The following NPHP4 variants were observed in gnomAD, a reference collection of about 807,000 sequenced individuals.
NPHP4 encodes the protein nephrocystin 4, also known as nephrocystin-4.
A neutral mutation model predicts 155.8 loss-of-function variants in NPHP4; 151 were observed. The observed-to-expected ratio is 0.97, with a 90% CI of 0.85 to 1.11. The LOEUF (loss-of-function observed/expected upper bound fraction) is 1.11, where lower values mean the gene tolerates loss of function less well. NPHP4 is among the 50% of genes least tolerant of loss of function. The pLI, the probability that NPHP4 is intolerant of heterozygous loss-of-function variation, is 0.00. For missense variants in NPHP4, 1,956 were observed against 1,925.7 expected (o/e 1.02, Z -0.29); for synonymous variants, 845 against 816.8 (o/e 1.03, Z -0.59).
At chr1:5,968,422 G>A (rs534058867) in intron 4 of NPHP4, among the ~76,000 whole-genome samples, 87 of 152,076 alleles carry the variant, frequency 5.7e-4, no homozygotes, top group African/African-American at 2.0e-3. Flanking sequence ...GGCAACATAG[G>A]GAGATCCCGT....
rs1646245451 is a variant in NPHP4, at chr1:5,931,068, GT to G, written c.1302+2078del. Among the ~76,000 whole-genome samples, 4 of 152,106 alleles carry G rather than the reference GT, an allele frequency of 2.6e-5. No individual in the cohort carries two copies. The South Asian group carries it at 8.3e-4, about 32-fold the overall frequency. On this transcript the variant is annotated intron_variant, in intron 10 of 29. Coordinates refer to ENST00000378156, the MANE Select transcript of NPHP4 (RefSeq NM_015102.5). ...ATTCTGAAGTCTAGTTTGTCTGATA[GT>G]GTCAATAGTAATATACCCACTCCAG...
rs370582651 is a variant in NPHP4, at chr1:5,948,071, T to A, written c.991A>T (p.Ser331Cys). ...SRKVVSSSKT[S>C]SGSQALVLRS... ...CCCTGGGGACCCAAGAGACAATACC[T>A]GGTCTTGGAAGAGGAGACCACTTTC... Residue 331 changes from serine to cysteine, a missense_variant and splice_region_variant, in exon 8 of 30, where the codon AGC becomes TGC. Physicochemically the swap from Ser to Cys is moderately radical, Grantham distance 112. Transcript: ENST00000378156. 1 of 1,612,144 alleles carries A rather than the reference T, an allele frequency of 6.2e-7. No homozygotes were observed. The highest frequency in any genetic ancestry group is 2.2e-5 in the East Asian group (1 of 44,860).
At chr1:5,874,304 A>C (rs1324588026) in intron 22 of NPHP4, among the ~76,000 whole-genome samples, 167 bp downstream of exon 22, 1 of 145,342 alleles carries the variant, frequency 6.9e-6, no homozygotes, top group African/African-American at 2.5e-5. Context: ...TGCCACTTGC[A>C]GTGTACATGC....
At chr1:5,888,767 A>G (rs1401365638) in intron 17 of NPHP4, among the ~76,000 whole-genome samples, 1 of 152,222 alleles carries the variant, frequency 6.6e-6, no homozygotes, top group Non-Finnish European at 1.5e-5. Context: ...AGCCAAGGAC[A>G]TGGGACACAG....
intron 16 of NPHP4, among the ~76,000 whole-genome samples, chr1:5,898,179 T>C (rs1157094292): frequency 6.6e-6 from 1 of 152,064 alleles, no homozygotes; most frequent in East Asian, 1.9e-4. Flanking sequence ...GCTCTCACAC[T>C]GAGGAGGGCC....
intron 11 of NPHP4, among the ~76,000 whole-genome samples, chr1:5,920,052 C>A (rs1009700937): frequency 6.6e-6 from 1 of 152,220 alleles, no homozygotes; most frequent in African/African-American, 2.4e-5. Flanking sequence ...TTGCCCCAGC[C>A]TCCCGAGTAG....
At chr1:5,941,289 CAAAAAAAAAAAAAAA>C (rs66676950) in intron 9 of NPHP4, among the ~76,000 whole-genome samples, 1 of 44,778 alleles carries the variant, frequency 2.2e-5, no homozygotes, top group Non-Finnish European at 3.7e-5. Flanking sequence ...GAGATCTAGA[CAAAAAAAAAAAAAAA>C]AAAAAAAAAA....
In NPHP4 at chr1:5,947,239, G is replaced by T; in HGVS notation, c.993-9C>A. 6.2e-7 allele frequency: 1 copy of T among 1,613,406 alleles called. No individual in the cohort carries two copies. The highest frequency in any genetic ancestry group is 1.1e-5 in the South Asian group (1 of 91,030). The stretch of plus-strand genomic sequence containing the variant: ...GAGCTTGGCTCCCGGAGCTGGGTCA[G>T]AAACACAAACCAGGGACACATTAGA... On this transcript the variant is annotated splice_polypyrimidine_tract_variant and intron_variant, in intron 8 of 29. Coordinates refer to ENST00000378156, the MANE Select transcript of NPHP4 (RefSeq NM_015102.5).
At chr1:5,864,594 C>T in intron 27 of NPHP4, 77 bp from the exon 28 acceptor site, 1 of 1,359,778 alleles carries the variant, frequency 7.4e-7, no homozygotes, top group Middle Eastern at 2.4e-4. Context: ...CGCCTGCAGC[C>T]CAATCAGCCA....
intron 11 of NPHP4, 76 bp from the exon 12 acceptor site, chr1:5,909,289 C>T (rs993044606): frequency 4.3e-5 from 51 of 1,183,228 alleles, no homozygotes; most frequent in Middle Eastern, 2.0e-4. Context: ...TGAACCCCCA[C>T]GCAGTCAGGT....
At chr1:5,970,329 A>G (rs905148937) in intron 3 of NPHP4, among the ~76,000 whole-genome samples, 14 of 152,168 alleles carry the variant, frequency 9.2e-5, no homozygotes, top group African/African-American at 3.4e-4. Context: ...ATAGCCAAAC[A>G]CCATCCCTAT....
rs375208994 is a variant in NPHP4 at position 5,893,407 on chromosome 1, C to T, written c.2144-2379G>A. On this transcript the variant is annotated intron_variant, in intron 16 of 29. Transcript: ENST00000378156. Reference sequence around the variant, plus strand: ...ATCTCCAATGATAGGTAAGGTCACGCGGGTCACGTGTCCACTGGACAGGGG... The same window carrying T: ...ATCTCCAATGATAGGTAAGGTCACGTGGGTCACGTGTCCACTGGACAGGGG... Among the ~76,000 whole-genome samples the T allele has an allele frequency of 7.2e-3, 1,102 of 152,258 alleles. 8 individuals are homozygous for T. The highest frequency in any genetic ancestry group is 0.023 in the African/African-American group (959 of 41,526).
intron 12 of NPHP4, 74 bp downstream of exon 12, chr1:5,909,078 G>T (rs977083059): frequency 1.6e-6 from 2 of 1,252,096 alleles, no homozygotes; most frequent in Non-Finnish European, 2.3e-6. Flanking sequence ...CTGTGCTTAA[G>T]GGGGGACAGA....
At position 5,978,176 on chromosome 1, in the gene NPHP4, C is replaced by T. The variant is rs550045403; in HGVS notation, c.279+94G>A. On this transcript the variant is annotated intron_variant, in intron 3 of 29. Coordinates refer to ENST00000378156, the MANE Select transcript of NPHP4 (RefSeq NM_015102.5). ...AAGTCTGAGACGCGCTGTGAGGTCT[C>T]GGCAAGGCCCCAGTCTCTGGGCTGC... 904 of 1,224,970 alleles carry T rather than the reference C, an allele frequency of 7.4e-4. 1 individual carries two copies. The highest frequency in any genetic ancestry group is 9.4e-4 in the Admixed American group (44 of 46,698). The allele number at this position is 1,224,970 out of a possible 1,614,324, so 75.9% of individuals were successfully genotyped here. A position where few individuals can be genotyped will look rare whatever the true frequency, so the allele number is the denominator to read the frequency against.
At chr1:5,883,029 G>A (rs1158553213) in intron 18 of NPHP4, among the ~76,000 whole-genome samples, 1 of 152,120 alleles carries the variant, frequency 6.6e-6, no homozygotes, top group Admixed American at 6.5e-5. Flanking sequence ...CCGGTGAGAA[G>A]GGCACTCAGG....
chr1:5,880,385 G>T, intron 18 of NPHP4, 146 bp from the exon 19 acceptor site: 1 of 765,868 alleles, frequency 1.3e-6, no homozygotes, highest in Non-Finnish European at 2.1e-6. Context: ...TGTTTTGAAT[G>T]TTTTGCAATT....
rs1641346453 is a variant in NPHP4, at chr1:5,867,323, CG to C, written c.3473-209del. On this transcript the variant is annotated intron_variant, in intron 24 of 29. Transcript: ENST00000378156. This position sits in a 1 kb window ranked among gnomAD's most constrained non-coding sequence, Gnocchi z 4.1. ...TGGACACCGCCCATCCAGCCCACTG[CG>C]GCTCGGCTGCAGCCATCTCCACAGG... is the stretch of plus-strand genomic sequence containing the variant. 1.8e-6 allele frequency: 1 copy of C among 570,310 alleles called. No individual in the cohort carries two copies. The highest frequency in any genetic ancestry group is 3.1e-6 in the Non-Finnish European group (1 of 321,584). The allele number at this position is 570,310 out of a possible 1,614,324, so 35.3% of individuals were successfully genotyped here.
intron 3 of NPHP4, among the ~76,000 whole-genome samples, chr1:5,973,359 T>A (rs934534564): frequency 2.6e-5 from 4 of 152,246 alleles, no homozygotes; most frequent in African/African-American, 7.2e-5. Flanking sequence ...CTTGGCTTAC[T>A]TAGAAAAGTA....
chr1:5,971,228 C>T lies in NPHP4; in HGVS notation c.280-1969G>A, dbSNP rs541506248. Among the ~76,000 whole-genome samples the T allele has an allele frequency of 2.8e-4, 43 of 152,310 alleles. No individual in the cohort carries two copies. The East Asian group carries it at 8.3e-3, about 29-fold the overall frequency. On this transcript the variant is annotated intron_variant, in intron 3 of 29. Transcript: ENST00000378156. ...TGGCTATGCCTCTCCCTTCTGTTTA[C>T]CACTAAAAATAATCACTCTGAGGCC...
Sources: allele counts gnomAD v4.1 joint callset (sites outside exome capture counted in the v4.1 genomes callset), GRCh38; gene constraint gnomAD v4.1.1; non-coding constraint Gnocchi (gnomAD v3.1); transcripts MANE v1.5; gene names NCBI Gene and HGNC (gene_info 2026-07-23, HGNC 2026-07-21).